Variants in GMPR observed in about 807,000 individuals in gnomAD.
The protein encoded by GMPR is GMP reductase 1.
Under a neutral mutation model 38.4 loss-of-function variants are expected in GMPR, and 31 were observed. That is an observed-to-expected ratio of 0.81 (90% CI 0.61 to 1.09). The LOEUF (loss-of-function observed/expected upper bound fraction) is 1.09. GMPR is among the 50% of genes least tolerant of loss of function. The probability of loss-of-function intolerance (pLI) is 0.00; values close to 1 mark genes in which losing one functional copy is unlikely to be tolerated. For synonymous variants in GMPR, 162 were observed against 173.3 expected (o/e 0.93, Z 0.51); for missense variants, 468 against 453.7 (o/e 1.03, Z -0.29).
intron 5 of GMPR, among the ~76,000 whole-genome samples, chr6:16,278,428 T>C (rs1173623391): frequency 6.6e-6 from 1 of 150,584 alleles, no homozygotes; most frequent in Non-Finnish European, 1.5e-5. Flanking sequence ...TGTAGATTTG[T>C]AGAAAGGTGG....
At chr6:16,273,965 G>T (rs886218481) in intron 4 of GMPR, among the ~76,000 whole-genome samples, 1 of 151,934 alleles carries the variant, frequency 6.6e-6, no homozygotes, top group Non-Finnish European at 1.5e-5. Flanking sequence ...ACAGGCATGC[G>T]CCACCAGGCC....
chr6:16,243,515 T>C (rs764824470), intron 1 of GMPR, among the ~76,000 whole-genome samples: 8 of 152,188 alleles, frequency 5.3e-5, no homozygotes, highest in Non-Finnish European at 8.8e-5. Flanking sequence ...AGCCAGCCAT[T>C]AGTTTACCCC....
At position 16,261,391 on chromosome 6, in the gene GMPR, C is replaced by G. The variant is rs1225383494; in HGVS notation, c.465+6656C>G. Among the ~76,000 whole-genome samples the G allele has an allele frequency of 2.0e-5, 3 of 146,370 alleles. No individual in the cohort carries two copies. The Admixed American group carries it at 2.1e-4, about 10-fold the overall frequency. ...AGTACAGCCCAGGTAATTTGCTGAG[C>G]CTGACGGGTGTCAGGGTCAGTCCAA... On this transcript the variant is annotated intron_variant, in intron 4 of 8. Transcript: ENST00000259727.
chr6:16,282,579 C>T (rs377605333), intron 6 of GMPR, among the ~76,000 whole-genome samples: 3 of 152,256 alleles, frequency 2.0e-5, no homozygotes, highest in East Asian at 1.9e-4. Context: ...CCACCGTCCC[C>T]GCCGTCTACG....
chr6:16,289,125 C>T (rs9477077), intron 7 of GMPR, among the ~76,000 whole-genome samples: 7,053 of 152,268 alleles, frequency 0.046, 508 homozygotes, highest in African/African-American at 0.16. Flanking sequence ...TCTTTAGGCC[C>T]ACACTGCTTT....
intron 7 of GMPR, among the ~76,000 whole-genome samples, chr6:16,289,746 G>A (rs1759796658): frequency 6.6e-6 from 1 of 151,358 alleles, no homozygotes; most frequent in Non-Finnish European, 1.5e-5. Context: ...GTGTCAGAGT[G>A]TGGAGAGCTT....
chr6:16,278,657 TCTC>T (rs1759521221), intron 5 of GMPR, 124 bp from the exon 6 acceptor site: 2 of 726,968 alleles, frequency 2.8e-6, no homozygotes, highest in South Asian at 1.5e-5. Flanking sequence ...GTTCCCCACA[TCTC>T]CTCTGCCACA....
At chr6:16,273,021 T>C (rs1383593333) in intron 4 of GMPR, among the ~76,000 whole-genome samples, 3 of 152,202 alleles carry the variant, frequency 2.0e-5, no homozygotes, top group Non-Finnish European at 4.4e-5. Context: ...TTTATGCTTA[T>C]TGAAAGTATT....
At position 16,238,659 on chromosome 6, in the gene GMPR, C is replaced by CCGT. The variant is rs1758583543; in HGVS notation, c.-32_-30dup. On this transcript the variant is annotated 5_prime_UTR_variant, in exon 1 of 9. Coordinates refer to ENST00000259727, the MANE Select transcript of GMPR (RefSeq NM_006877.4). ...GCCCCGCGCAGGCGCCCCCGCCCCG[C>CCGT]CGTCGCCGCCGCCGCAGCCAGGAGC... The CCGT allele has an allele frequency of 2.7e-6, 3 of 1,126,364 alleles. No homozygotes were observed. Among genetic ancestry groups the CCGT allele is most frequent in the Non-Finnish European group, 3.4e-6 (3 of 872,094 alleles). The allele number at this position is 1,126,364 out of a possible 1,614,324, so 69.8% of individuals were successfully genotyped here. A position where few individuals can be genotyped will look rare whatever the true frequency, so the allele number is the denominator to read the frequency against.
At chr6:16,256,198 A>G (rs1308322867) in intron 4 of GMPR, among the ~76,000 whole-genome samples, 1 of 148,258 alleles carries the variant, frequency 6.7e-6, no homozygotes, top group East Asian at 2.0e-4. Context: ...CCTGGGCAAC[A>G]GAGGGAGACT....
intron 7 of GMPR, among the ~76,000 whole-genome samples, chr6:16,289,244 G>T (rs1270625787): frequency 5.3e-5 from 8 of 152,188 alleles, no homozygotes; most frequent in Non-Finnish European, 7.3e-5. Flanking sequence ...TTATAGAGCT[G>T]TTACACTCAC....
intron 4 of GMPR, among the ~76,000 whole-genome samples, chr6:16,265,810 A>C (rs1284331112): frequency 6.6e-6 from 1 of 152,240 alleles, no homozygotes; most frequent in African/African-American, 2.4e-5. Context: ...CCCACTCCGG[A>C]ACCCTTCCAC....
At chr6:16,276,919 T>G (rs1020327096) in intron 5 of GMPR, among the ~76,000 whole-genome samples, 9 of 152,178 alleles carry the variant, frequency 5.9e-5, no homozygotes, top group African/African-American at 2.2e-4. Context: ...ACCGCCTGTG[T>G]GTTATTTGAA....
intron 4 of GMPR, chr6:16,259,143 T>G (rs1472844500): frequency 6.6e-6 from 1 of 152,012 alleles, no homozygotes; most frequent in Non-Finnish European, 1.5e-5. Context: ...GGGGCCGTTT[T>G]ATAGGATTTG....
intron 4 of GMPR, chr6:16,264,650 A>AGG (rs972299155): frequency 6.6e-6 from 1 of 150,950 alleles, no homozygotes; most frequent in Non-Finnish European, 1.5e-5. Flanking sequence ...TTACAGTCAA[A>AGG]GGGGGGGTTG....
intron 2 of GMPR, among the ~76,000 whole-genome samples, chr6:16,248,232 CAAAAAAAAA>C (rs774386979): frequency 2.2e-4 from 10 of 45,148 alleles, no homozygotes; most frequent in African/African-American, 7.3e-4. Context: ...GACCCTGTCT[CAAAAAAAAA>C]AAAAAAAAAA....
At chr6:16,266,999 T>C (rs958456017) in intron 4 of GMPR, among the ~76,000 whole-genome samples, 13 of 151,136 alleles carry the variant, frequency 8.6e-5, no homozygotes, top group African/African-American at 2.9e-4. Flanking sequence ...CGAACAACTC[T>C]GGGTGCGCCA....
intron 4 of GMPR, among the ~76,000 whole-genome samples, chr6:16,268,934 ATTT>A (rs1320343704): frequency 6.6e-6 from 1 of 150,874 alleles, no homozygotes; most frequent in Admixed American, 6.6e-5. Flanking sequence ...ATAAATTTAA[ATTT>A]TTTATTTATT....
intron 2 of GMPR, among the ~76,000 whole-genome samples, chr6:16,249,166 A>ATTTTTTTT (rs11292107): frequency 3.1e-5 from 3 of 96,440 alleles, no homozygotes; most frequent in Non-Finnish European, 5.8e-5. Context: ...ACATTTTGTA[A>ATTTTTTTT]TTTTTTTTTT....
Sources: allele counts gnomAD v4.1 joint callset (sites outside exome capture counted in the v4.1 genomes callset), GRCh38; gene constraint gnomAD v4.1.1; transcripts MANE v1.5; gene names NCBI Gene and HGNC (gene_info 2026-07-23, HGNC 2026-07-21).